The following DNAJC16 variants were observed in gnomAD, a reference collection of about 807,000 sequenced individuals.
The protein encoded by DNAJC16 is DnaJ heat shock protein family (Hsp40) member C16.
Under a neutral mutation model 92.7 loss-of-function variants are expected in DNAJC16, and 76 were observed. The observed-to-expected ratio is 0.82, with a 90% CI of 0.68 to 0.99. The LOEUF is 0.99. DNAJC16 is among the 50% of genes least tolerant of loss of function. DNAJC16 has a pLI of 0.00. For synonymous variants in DNAJC16, 328 were observed against 358.7 expected (o/e 0.91, Z 0.97); for missense variants, 869 against 942.4 (o/e 0.92, Z 1.02).
rs2103433655 is a variant in DNAJC16 at position 15,571,694 on chromosome 1, C to T, written c.*3517C>T. 1 of 152,594 alleles carries T rather than the reference C, an allele frequency of 6.6e-6. No homozygotes were observed. The highest frequency in any genetic ancestry group is 1.9e-4 in the East Asian group (1 of 5,178). The allele number at this position is 152,594 out of a possible 1,614,324, so 9.5% of individuals were successfully genotyped here. A position where few individuals can be genotyped will look rare whatever the true frequency, so the allele number is the denominator to read the frequency against. On this transcript the variant is annotated 3_prime_UTR_variant, in exon 15 of 15. Transcript: ENST00000375847. Reference sequence around the variant, plus strand: ...TGAAGCTGATGTTATTTTAAGATTACAGAATGGAAAAAGAAATAAACTATT... The same window carrying T: ...TGAAGCTGATGTTATTTTAAGATTATAGAATGGAAAAAGAAATAAACTATT...
intron 5 of DNAJC16, among the ~76,000 whole-genome samples, chr1:15,546,529 A>C (rs1638313493): frequency 1.3e-5 from 2 of 152,226 alleles, no homozygotes; most frequent in Admixed American, 1.3e-4. Flanking sequence ...TAATATGGTC[A>C]GTAATTGTTT....
intron 7 of DNAJC16, among the ~76,000 whole-genome samples, chr1:15,552,688 T>C (rs1175942968): frequency 2.0e-5 from 3 of 151,780 alleles, no homozygotes; most frequent in African/African-American, 7.3e-5. Context: ...CAGGAAGTCA[T>C]CTTCTCATTT....
Position 15,544,555 on chromosome 1 carries a change from G to T in DNAJC16, c.731G>T (p.Ser244Ile), listed in dbSNP as rs1638243823. ...VRENLRQFVE[S>I]LLPGNLVEKV... The stretch of plus-strand genomic sequence containing the variant: ...GAAAATCTGCGACAATTTGTAGAAA[G>T]TCTTCTTCCAGGGAACTTGGTGGAG... Residue 244 changes from serine to isoleucine, a missense_variant, in exon 5 of 15, where the codon AGT (serine) becomes ATT (isoleucine). Coordinates refer to ENST00000375847, the MANE Select transcript of DNAJC16 (RefSeq NM_015291.4). 1 of 1,614,068 alleles carries T rather than the reference G, an allele frequency of 6.2e-7. No individual in the cohort carries two copies. The highest frequency in any genetic ancestry group is 8.5e-7 in the Non-Finnish European group (1 of 1,180,034).
chr1:15,568,606 G>A lies in DNAJC16; in HGVS notation c.*429G>A, dbSNP rs2103430922. 2.5e-6 allele frequency: 1 copy of A among 406,120 alleles called. No individual in the cohort carries two copies. Among genetic ancestry groups the A allele is most frequent in the East Asian group, 3.5e-5 (1 of 28,450 alleles). 25.2% of individuals were successfully genotyped at this position (406,120 alleles called of 1,614,324 possible). A position where few individuals can be genotyped will look rare whatever the true frequency, so the allele number is the denominator to read the frequency against. On this transcript the variant is annotated 3_prime_UTR_variant, in exon 15 of 15. Coordinates refer to ENST00000375847, the MANE Select transcript of DNAJC16 (RefSeq NM_015291.4). Reference sequence around the variant, plus strand: ...CCTTCCCCAATCCCGGCCCTGCTGTGCTGCTGCCATGGCGCATGCTCCTAA... The same window carrying A: ...CCTTCCCCAATCCCGGCCCTGCTGTACTGCTGCCATGGCGCATGCTCCTAA...
intron 4 of DNAJC16, among the ~76,000 whole-genome samples, chr1:15,540,520 C>T (rs1710909230): frequency 6.6e-6 from 1 of 152,094 alleles, no homozygotes; most frequent in Non-Finnish European, 1.5e-5. Context: ...GTTCAGATCC[C>T]ATCACCGTCA....
chr1:15,533,627 C>CA (rs965218420), intron 2 of DNAJC16, among the ~76,000 whole-genome samples: 6 of 150,016 alleles, frequency 4.0e-5, no homozygotes, highest in African/African-American at 1.2e-4. Flanking sequence ...GACCCTGTCT[C>CA]AAAAAAAACA....
At chr1:15,562,080 A>G in intron 8 of DNAJC16, 62 bp from the exon 9 acceptor site, 8 of 1,527,960 alleles carry the variant, frequency 5.2e-6, no homozygotes, top group Non-Finnish European at 7.1e-6. Context: ...TTCACTTGCC[A>G]TTATAGGTGC....
rs751225984 is a variant in DNAJC16 at position 15,548,428 on chromosome 1, G to T, written c.1023G>T (p.Gln341His). Residue 341 changes from glutamine to histidine, a missense_variant and splice_region_variant, in exon 7 of 15, where the codon CAG (glutamine) becomes CAT (histidine). Gln to His is a conservative substitution (Grantham distance 24). Coordinates refer to ENST00000375847, the MANE Select transcript of DNAJC16 (RefSeq NM_015291.4). ...EHINRPADVI[Q>H]ARGMKKQIID... ...TAAACAGGCCTGCCGATGTTATCCA[G>T]GTACGTGAGGGTCACCTTGGTTAAG... The T allele has an allele frequency of 6.2e-7, 1 of 1,604,626 alleles. No homozygotes were observed. Among genetic ancestry groups the T allele is most frequent in the Admixed American group, 1.7e-5 (1 of 59,070 alleles).
intron 11 of DNAJC16, among the ~76,000 whole-genome samples, chr1:15,564,938 G>A (rs1221565007): frequency 3.3e-5 from 5 of 151,114 alleles, no homozygotes; most frequent in South Asian, 2.1e-4. Flanking sequence ...AGGTTCAAGC[G>A]ATTCTCCTGT....
At chr1:15,529,368 C>T (rs1021797310) in intron 2 of DNAJC16, 96 bp downstream of exon 2, 41 of 1,253,466 alleles carry the variant, frequency 3.3e-5, no homozygotes, top group Non-Finnish European at 4.0e-5. Context: ...GTCTCTGTTT[C>T]TATGTTCAAT....
intron 5 of DNAJC16, among the ~76,000 whole-genome samples, chr1:15,546,395 A>G (rs1011165461): frequency 2.6e-5 from 4 of 152,248 alleles, no homozygotes; most frequent in Middle Eastern, 3.4e-3. Context: ...TAGATGATAG[A>G]TAGATAGATA....
intron 5 of DNAJC16, 97 bp from the exon 6 acceptor site, chr1:15,546,668 CTT>C: frequency 2.1e-6 from 2 of 947,580 alleles, no homozygotes; most frequent in Non-Finnish European, 3.2e-6. Flanking sequence ...TTTTTGCAAT[CTT>C]TTACACTTAC....
intron 4 of DNAJC16, among the ~76,000 whole-genome samples, chr1:15,540,034 A>G (rs542684297): frequency 6.6e-6 from 1 of 152,230 alleles, no homozygotes; most frequent in East Asian, 1.9e-4. Flanking sequence ...CTCAAAAAAT[A>G]AAATAAAGTG....
rs1304122030 is a variant in DNAJC16 at position 15,562,335 on chromosome 1, A to G, written c.1338+10A>G. The G allele has an allele frequency of 4.3e-6, 7 of 1,609,988 alleles. No homozygotes were observed. The highest frequency in any genetic ancestry group is 1.3e-5 in the African/African-American group (1 of 74,896). ...TCAAGGGAAATCAGCGGTAAGCCAC[A>G]GAGTCTCTCCTCATCCCAGGCTCTT... On this transcript the variant is annotated intron_variant, in intron 9 of 14. Transcript: ENST00000375847.
chr1:15,554,938 G>C (rs1381641305), intron 7 of DNAJC16, among the ~76,000 whole-genome samples: 1 of 151,206 alleles, frequency 6.6e-6, no homozygotes, highest in African/African-American at 2.4e-5. Flanking sequence ...TAGGTCTTCT[G>C]TAATATGTCT....
chr1:15,535,093 C>T (rs1412974236), intron 3 of DNAJC16, among the ~76,000 whole-genome samples: 2 of 152,182 alleles, frequency 1.3e-5, no homozygotes, highest in South Asian at 2.1e-4. Flanking sequence ...TAGAATAACA[C>T]GTCATCATTC....
At position 15,562,183 on chromosome 1, in the gene DNAJC16, G is replaced by A. The variant is rs1638705705; in HGVS notation, c.1196G>A (p.Ser399Asn). The A allele has an allele frequency of 6.2e-7, 1 of 1,614,014 alleles. No homozygotes were observed. Among genetic ancestry groups the A allele is most frequent in the Non-Finnish European group, 8.5e-7 (1 of 1,179,898 alleles). The change falls in exon 9 of 15, where the codon AGC (serine) becomes AAC (asparagine). Residue 399 changes from serine to asparagine, a missense_variant. Ser to Asn is a conservative substitution (Grantham distance 46). Coordinates refer to ENST00000375847, the MANE Select transcript of DNAJC16 (RefSeq NM_015291.4). ...TTGACTGCTGAGACTACCAAGTTGA[G>A]CAAACCCTTTGAGGCTTTCCTGTCC... Reference protein sequence around the residue: ...VLLTAETTKLSKPFEAFLSFA... With the variant: ...VLLTAETTKLNKPFEAFLSFA...
intron 1 of DNAJC16, among the ~76,000 whole-genome samples, chr1:15,527,377 G>T (rs924526460): frequency 6.6e-6 from 1 of 152,196 alleles, no homozygotes. Flanking sequence ...GGCAGCGATC[G>T]TACTGCATGG....
At chr1:15,540,781 G>T (rs1710914484) in intron 4 of DNAJC16, among the ~76,000 whole-genome samples, 1 of 152,100 alleles carries the variant, frequency 6.6e-6, no homozygotes, top group Non-Finnish European at 1.5e-5. Context: ...GCTCGGTCTG[G>T]TATAACGTAT....
Sources: gnomAD v4.1 joint callset for allele counts (sites outside exome capture counted in the v4.1 genomes callset) on GRCh38, gnomAD v4.1.1 for gene constraint, MANE v1.5 for transcripts, NCBI Gene and HGNC (gene_info 2026-07-23, HGNC 2026-07-21) for gene names.